The following MTRF1 variants were observed in gnomAD, a reference collection of about 807,000 sequenced individuals.
The protein encoded by MTRF1 is peptide chain release factor 1, mitochondrial.
MTRF1 carries 51 observed loss-of-function variants against 62.9 expected under a neutral mutation model. The ratio of observed to expected loss-of-function variants is 0.81; its 90% CI spans 0.65 to 1.02. MTRF1 has a LOEUF of 1.02. MTRF1 is among the 50% of genes least tolerant of loss of function. MTRF1 has a pLI of 0.00. For synonymous variants in MTRF1, 158 were observed against 181.9 expected, an observed-to-expected ratio of 0.87 and a Z score of 1.06; for missense variants, 446 against 530.0, an observed-to-expected ratio of 0.84 and a Z score of 1.56.
chr13:41,230,546 G>A (rs926066218), intron 7 of MTRF1, among the ~76,000 whole-genome samples: 23 of 149,892 alleles, frequency 1.5e-4, no homozygotes, highest in Non-Finnish European at 3.1e-4. Flanking sequence ...TTACAGGCGT[G>A]AGCCACTGCA....
chr13:41,227,231 C>G (rs1289129199), intron 7 of MTRF1, among the ~76,000 whole-genome samples: 1 of 151,194 alleles, frequency 6.6e-6, no homozygotes, highest in African/African-American at 2.4e-5. Flanking sequence ...AGGTTGCAGT[C>G]AGCCGAGATT....
At chr13:41,277,593 G>A in the MTRF1 span, among the ~76,000 whole-genome samples, 2 of 152,128 alleles carry the variant, frequency 1.3e-5, no homozygotes, top group African/African-American at 4.8e-5. Flanking sequence ...AAGCTTTTAT[G>A]TCCTCTTCAG....
At chr13:41,294,398 CA>C in the MTRF1 span, among the ~76,000 whole-genome samples, 1 of 133,232 alleles carries the variant, frequency 7.5e-6, no homozygotes, top group Non-Finnish European at 1.5e-5. Context: ...AGCCTGGCAA[CA>C]GAGTGAGACT....
At chr13:41,272,226 G>A in the MTRF1 span, among the ~76,000 whole-genome samples, 5 of 152,186 alleles carry the variant, frequency 3.3e-5, no homozygotes, top group African/African-American at 1.2e-4. Context: ...TGTCAGTGGT[G>A]CCTTTGTTCT....
chr13:41,311,421 C>T, the MTRF1 span: 1 of 1,088,794 alleles, frequency 9.2e-7, no homozygotes, highest in Non-Finnish European at 1.3e-6. Context: ...AATCCATCGC[C>T]CGCAGCCCGA....
At chr13:41,296,265 A>C in the MTRF1 span, among the ~76,000 whole-genome samples, 6 of 151,506 alleles carry the variant, frequency 4.0e-5, no homozygotes, top group South Asian at 4.2e-4. Context: ...TGAAGATGAG[A>C]TCTTGCTAAT....
chr13:41,282,727 T>C, the MTRF1 span, among the ~76,000 whole-genome samples: 1 of 152,184 alleles, frequency 6.6e-6, no homozygotes, highest in Admixed American at 6.5e-5. Flanking sequence ...AGAGAGCATA[T>C]GGGGATATTT....
intron 6 of MTRF1, chr13:41,236,110 GT>G (rs1164714713): frequency 2.0e-4 from 20 of 100,154 alleles, no homozygotes; most frequent in African/African-American, 5.1e-4. Context: ...TTTTGTTTTT[GT>G]TTTTTTTGGT....
chr13:41,304,628 G>T, the MTRF1 span, among the ~76,000 whole-genome samples: 1 of 152,146 alleles, frequency 6.6e-6, no homozygotes, highest in African/African-American at 2.4e-5. Context: ...CAAAGGGAGG[G>T]ATTGTTTTTA....
chr13:41,280,036 C>G, the MTRF1 span, among the ~76,000 whole-genome samples: 1 of 152,202 alleles, frequency 6.6e-6, no homozygotes, highest in Non-Finnish European at 1.5e-5. Context: ...CTCCCAGGTT[C>G]AAGTGATTCC....
At chr13:41,271,856 C>G in the MTRF1 span, among the ~76,000 whole-genome samples, 3 of 152,086 alleles carry the variant, frequency 2.0e-5, no homozygotes, top group African/African-American at 7.2e-5. Flanking sequence ...CAAATGCACA[C>G]AGACAAGCTG....
At chr13:41,257,335 A>T (rs7320350) in intron 2 of MTRF1, among the ~76,000 whole-genome samples, 94,612 of 152,040 alleles carry the variant, frequency 0.62, 29,795 homozygotes, top group Admixed American at 0.65. Flanking sequence ...GCTACAAGTT[A>T]GGAATTGATT....
chr13:41,242,127 GT>G (rs980190248), intron 5 of MTRF1, among the ~76,000 whole-genome samples: 2 of 147,048 alleles, frequency 1.4e-5, no homozygotes, highest in Non-Finnish European at 1.6e-5. Context: ...AGATACCAAC[GT>G]TTTTTTTTTG....
chr13:41,311,146 A>G, the MTRF1 span: 443 of 340,504 alleles, frequency 1.3e-3, 3 homozygotes, highest in African/African-American at 9.1e-3. Flanking sequence ...CCGCAGCACA[A>G]GGCAAATCCA....
chr13:41,306,162 T>A, the MTRF1 span, among the ~76,000 whole-genome samples: 1 of 151,948 alleles, frequency 6.6e-6, no homozygotes, highest in African/African-American at 2.4e-5. Flanking sequence ...GTGGGCAGAT[T>A]ACGAGGTCAG....
chr13:41,278,395 C>T, the MTRF1 span, among the ~76,000 whole-genome samples: 1 of 152,104 alleles, frequency 6.6e-6, no homozygotes, highest in East Asian at 1.9e-4. Flanking sequence ...GGCCCTGTTA[C>T]AGAGTTTTTG....
At chr13:41,298,396 T>TTTTTTTC in the MTRF1 span, among the ~76,000 whole-genome samples, 16 of 150,628 alleles carry the variant, frequency 1.1e-4, no homozygotes, top group South Asian at 2.1e-4. Context: ...ATTACGAAGT[T>TTTTTTTC]ACACTCTCAT....
chr13:41,234,110 T>C, intron 6 of MTRF1, 103 bp from the exon 7 acceptor site: 1 of 909,006 alleles, frequency 1.1e-6, no homozygotes. Flanking sequence ...AGATAAATTA[T>C]AGCCTTTAGA....
chr13:41,258,746 A>G (rs1412119534), intron 2 of MTRF1, among the ~76,000 whole-genome samples: 2 of 152,080 alleles, frequency 1.3e-5, no homozygotes, highest in East Asian at 3.9e-4. Flanking sequence ...GACTCCCAAA[A>G]CTCAAGCAAC....
Sources: gnomAD v4.1 joint callset for allele counts (sites outside exome capture counted in the v4.1 genomes callset) on GRCh38, gnomAD v4.1.1 for gene constraint, MANE v1.5 for transcripts, NCBI Gene and HGNC (gene_info 2026-07-23, HGNC 2026-07-21) for gene names.